ATF7: variants seen among roughly 807,000 people sequenced by gnomAD.
ATF7 encodes the protein activating transcription factor 7.
ATF7 carries 10 observed loss-of-function variants against 50.4 expected under a neutral mutation model. The observed-to-expected ratio is 0.20, with a 90% confidence interval of 0.12 to 0.34. ATF7 has a LOEUF of 0.34. ATF7 is among the 10% of genes least tolerant of loss of function. The pLI, the probability that ATF7 is intolerant of heterozygous loss-of-function variation, is 1.00. For synonymous variants in ATF7, 201 were observed against 226.4 expected (o/e 0.89, Z 1.01); for missense variants, 465 against 613.9 (o/e 0.76, Z 2.56).
chr12:53,600,694 C>G lies in ATF7; in HGVS notation c.48+259G>C, dbSNP rs539089769. ...ATGGACAGCTTTAGAAAGGAGGAGA[C>G]AGCAACATGTATTTTTCCATACTGT... On this transcript the variant is annotated intron_variant, in intron 2 of 11. Transcript: ENST00000420353. 165 of 348,912 alleles carry G rather than the reference C, an allele frequency of 4.7e-4. 2 individuals are homozygous for G. The Middle Eastern group carries it at 0.011, about 23-fold the overall frequency. 21.6% of individuals were successfully genotyped at this position (348,912 alleles called of 1,614,324 possible). A position where few individuals can be genotyped will look rare whatever the true frequency, so the allele number is the denominator to read the frequency against.
chr12:53,622,860 C>G (rs1018471117), intron 1 of ATF7, among the ~76,000 whole-genome samples: 8 of 152,096 alleles, frequency 5.3e-5, no homozygotes, highest in African/African-American at 1.9e-4. Context: ...GTGGTCCCAG[C>G]TACTTGGAGG....
chr12:53,602,222 G>A lies in ATF7; in HGVS notation c.-21-1201C>T, dbSNP rs143576558. ...AAAGAATACGAACGAGGGAAGATGAGAGAGGAACTACAATTTGAATATGCC... is the reference window on the plus strand; with the variant it reads ...AAAGAATACGAACGAGGGAAGATGAAAGAGGAACTACAATTTGAATATGCC... On this transcript the variant is annotated intron_variant, in intron 1 of 11. Transcript: ENST00000420353. Among the ~76,000 whole-genome samples the A allele has an allele frequency of 6.0e-4, 92 of 152,268 alleles. No individual in the cohort carries two copies. In the East Asian group the frequency reaches 0.015, roughly 25 times the overall value.
intron 2 of ATF7, among the ~76,000 whole-genome samples, chr12:53,585,430 G>T (rs1380239746): frequency 6.6e-6 from 1 of 152,048 alleles, no homozygotes; most frequent in Non-Finnish European, 1.5e-5. Flanking sequence ...GGAGGCTAGT[G>T]TGTGTGAGGA....
intron 1 of ATF7, among the ~76,000 whole-genome samples, chr12:53,607,684 C>A (rs1379699021): frequency 3.3e-5 from 5 of 151,912 alleles, no homozygotes; most frequent in African/African-American, 1.2e-4. Flanking sequence ...TGTACATGCA[C>A]CATAATTGTA....
intron 3 of ATF7, 116 bp from the exon 4 acceptor site, chr12:53,543,564 T>A: frequency 8.5e-7 from 1 of 1,182,740 alleles, no homozygotes; most frequent in Non-Finnish European, 1.2e-6. Flanking sequence ...AGAGTCTTTG[T>A]GTTAGGGCAA....
chr12:53,518,681 TG>T (rs1172516137), intron 11 of ATF7, among the ~76,000 whole-genome samples: 4 of 152,094 alleles, frequency 2.6e-5, no homozygotes. Flanking sequence ...CAGAAATATG[TG>T]GAAAAAAGGC....
chr12:53,620,684 C>T (rs1944344677), intron 1 of ATF7, among the ~76,000 whole-genome samples: 1 of 150,510 alleles, frequency 6.6e-6, no homozygotes, highest in Non-Finnish European at 1.5e-5. Flanking sequence ...TGAACCTGGG[C>T]GGCAGAGGTT....
intron 2 of ATF7, among the ~76,000 whole-genome samples, chr12:53,552,988 A>C (rs1259368479): frequency 6.6e-6 from 1 of 152,154 alleles, no homozygotes; most frequent in Non-Finnish European, 1.5e-5. Flanking sequence ...AATAATAATA[A>C]TAGAGAAGGG....
rs1937706723 is a variant in ATF7 at position 53,516,481 on chromosome 12, G to A, written c.*656C>T. On this transcript the variant is annotated 3_prime_UTR_variant, in exon 12 of 12. Coordinates refer to ENST00000420353, the MANE Select transcript of ATF7 (RefSeq NM_006856.3). ...ACTCTTGAGGGTTTCTTTCTTTTTG[G>A]TGGCAGGTAGAGAGAAGGAATAAAG... The A allele has an allele frequency of 1.3e-5, 2 of 152,716 alleles. No individual in the cohort carries two copies. The highest frequency in any genetic ancestry group is 2.4e-5 in the African/African-American group (1 of 41,446). The allele number at this position is 152,716 out of a possible 1,614,324, so 9.5% of individuals were successfully genotyped here.
intron 11 of ATF7, among the ~76,000 whole-genome samples, chr12:53,520,065 C>G (rs1938017517): frequency 6.6e-6 from 1 of 152,180 alleles, no homozygotes; most frequent in South Asian, 2.1e-4. Context: ...CACTGAACTT[C>G]TTGAAACACT....
intron 5 of ATF7, among the ~76,000 whole-genome samples, chr12:53,536,475 C>G (rs1939228522): frequency 6.6e-6 from 1 of 151,956 alleles, no homozygotes. Context: ...TGGGGTTTCA[C>G]TATGTTGGCC....
intron 3 of ATF7, among the ~76,000 whole-genome samples, chr12:53,551,727 CTG>C (rs1940366728): frequency 6.6e-6 from 1 of 152,216 alleles, no homozygotes; most frequent in South Asian, 2.1e-4. Flanking sequence ...ACTTGAGAAA[CTG>C]TGTCTTATAT....
At chr12:53,599,470 T>A (rs200157330) in intron 2 of ATF7, among the ~76,000 whole-genome samples, 1 of 147,568 alleles carries the variant, frequency 6.8e-6, no homozygotes, top group African/African-American at 2.5e-5. Context: ...ATATATATAT[T>A]CTATATATAT....
chr12:53,558,887 T>C (rs1211448680), intron 2 of ATF7, among the ~76,000 whole-genome samples: 4 of 152,190 alleles, frequency 2.6e-5, no homozygotes, highest in Non-Finnish European at 5.9e-5. Context: ...GTAAAAACTC[T>C]TTCCATTTCT....
In ATF7 at chr12:53,523,312, C is replaced by G. The variant is rs749787942; in HGVS notation, c.1198G>C (p.Val400Leu). ...TGAGTCTTTTTCTGTAGTGCAGTGACTGGGCAGTCTTTATGAGCTAACAGT... is the reference window on the plus strand; with the variant it reads ...TGAGTCTTTTTCTGTAGTGCAGTGAGTGGGCAGTCTTTATGAGCTAACAGT... ...QLLLAHKDCP[V>L]TALQKKTQGY... The change falls in exon 11 of 12, where the codon GTC (valine) becomes CTC (leucine). Residue 400 changes from valine (V) to leucine (L), a missense_variant. Physicochemically the swap from Val to Leu is conservative, Grantham distance 32. Transcript: ENST00000420353. 3.1e-6 allele frequency: 5 copies of G among 1,613,940 alleles called. No individual in the cohort carries two copies. In the South Asian group the frequency reaches 4.4e-5, roughly 14 times the overall value.
chr12:53,526,000 C>A (rs891076873), intron 9 of ATF7, among the ~76,000 whole-genome samples: 1 of 151,838 alleles, frequency 6.6e-6, no homozygotes, highest in South Asian at 2.1e-4. Context: ...CACTTGAGAT[C>A]GGGAGTTTGA....
chr12:53,517,023 A>G lies in ATF7; in HGVS notation c.*114T>C. On this transcript the variant is annotated 3_prime_UTR_variant, in exon 12 of 12. Transcript: ENST00000420353. ...ATCTGTCCATTACTCACAACACACA[A>G]TTCCCCCCACCCATATTGCCATGTC... 8.5e-7 allele frequency: 1 copy of G among 1,180,128 alleles called. No individual in the cohort carries two copies. Among genetic ancestry groups the G allele is most frequent in the Non-Finnish European group, 1.2e-6 (1 of 822,216 alleles). The allele number at this position is 1,180,128 out of a possible 1,614,324, so 73.1% of individuals were successfully genotyped here. A position where few individuals can be genotyped will look rare whatever the true frequency, so the allele number is the denominator to read the frequency against.
intron 2 of ATF7, among the ~76,000 whole-genome samples, chr12:53,556,552 G>A (rs1231990895): frequency 6.6e-6 from 1 of 152,170 alleles, no homozygotes; most frequent in African/African-American, 2.4e-5. Context: ...AGCCAAGATC[G>A]TGCCATTGCA....
chr12:53,519,379 C>G (rs1041506203), intron 11 of ATF7, among the ~76,000 whole-genome samples: 4 of 152,124 alleles, frequency 2.6e-5, no homozygotes, highest in African/African-American at 9.7e-5. Flanking sequence ...CTATACCACA[C>G]AGCAGGAACT....
Sources: gnomAD v4.1 joint callset for allele counts (sites outside exome capture counted in the v4.1 genomes callset) on GRCh38, gnomAD v4.1.1 for gene constraint, MANE v1.5 for transcripts, NCBI Gene and HGNC (gene_info 2026-07-23, HGNC 2026-07-21) for gene names.